KCNQ1: variants seen among roughly 807,000 people sequenced by gnomAD.
KCNQ1 encodes potassium voltage-gated channel subfamily KQT member 1.
In KCNQ1, 49 loss-of-function variants were observed where a neutral mutation model predicts 72.4. The ratio of observed to expected loss-of-function variants is 0.68; its 90% CI spans 0.54 to 0.86. The LOEUF (loss-of-function observed/expected upper bound fraction) is 0.86, where lower values mean the gene tolerates loss of function less well. Ranked by LOEUF, KCNQ1 falls within the 40% of genes least tolerant of loss-of-function variation. KCNQ1 has a pLI of 0.00. For missense variants in KCNQ1, 790 were observed against 945.1 expected, an observed-to-expected ratio of 0.84 and a Z score of 2.15; for synonymous variants, 450 against 412.6, an observed-to-expected ratio of 1.09 and a Z score of -1.10.
rs955421610 is a variant in KCNQ1, at chr11:2,603,254, A to G, written c.1393+14400A>G. 1.3e-5 allele frequency among the ~76,000 whole-genome samples: 2 copies of G among 152,228 alleles called. No individual in the cohort carries two copies. Among genetic ancestry groups the G allele is most frequent in the Admixed American group, 1.3e-4 (2 of 15,286 alleles). On this transcript the variant is annotated intron_variant, in intron 10 of 15. Transcript: ENST00000155840. The surrounding 1 kb of genome is among the most constrained non-coding windows in gnomAD (Gnocchi z 4.1). Reference sequence around the variant, plus strand: ...AGTGTGCAATAGCCCCATGTCTAAGAAAACAATGTGCCTACCTTAATTGAA... The same window carrying G: ...AGTGTGCAATAGCCCCATGTCTAAGGAAACAATGTGCCTACCTTAATTGAA...
chr11:2,720,849 C>T lies in KCNQ1; in HGVS notation c.1515-47995C>T, dbSNP rs113394564. Among the ~76,000 whole-genome samples, 76 of 152,178 alleles carry T rather than the reference C, an allele frequency of 5.0e-4. No homozygotes were observed. The highest frequency in any genetic ancestry group is 1.7e-3 in the African/African-American group (69 of 41,520). On this transcript the variant is annotated intron_variant, in intron 11 of 15. Coordinates refer to ENST00000155840, the MANE Select transcript of KCNQ1 (RefSeq NM_000218.3). This position sits in a 1 kb window ranked among gnomAD's most constrained non-coding sequence, Gnocchi z 5.1. ...CATTATATGGTGTTGAGTTGGGGAA[C>T]GGCCTTGCTGGGAGTTGGGGCCTGG...
In KCNQ1 at chr11:2,813,137, C is replaced by A. The variant is rs1024682264; in HGVS notation, c.1795-34630C>A. The stretch of plus-strand genomic sequence containing the variant: ...AACGGAGCCTGGTACAGAGGAAGAA[C>A]CCGACAGACTGTGAGCCCTGTCTTC... On this transcript the variant is annotated intron_variant, in intron 15 of 15. Coordinates refer to ENST00000155840, the MANE Select transcript of KCNQ1 (RefSeq NM_000218.3). The surrounding 1 kb of genome is among the most constrained non-coding windows in gnomAD (Gnocchi z 4.4). Among the ~76,000 whole-genome samples, 2 of 152,240 alleles carry A rather than the reference C, an allele frequency of 1.3e-5. No individual in the cohort carries two copies. The highest frequency in any genetic ancestry group is 2.4e-5 in the African/African-American group (1 of 41,466).
chr11:2,568,818 C>T (rs1247640754), intron 2 of KCNQ1, among the ~76,000 whole-genome samples: 1 of 151,728 alleles, frequency 6.6e-6, no homozygotes, highest in African/African-American at 2.4e-5. Context: ...GGGACCCACA[C>T]CCCCCCCATG....
rs929339515 is a variant in KCNQ1 at position 2,446,420 on chromosome 11, C to T, written c.386+936C>T. ...CATGGCTGATGGCTGTGGGGCTCAC[C>T]TGAGGGCTGAAGGGTGGTCTCCCTG... is the stretch of plus-strand genomic sequence containing the variant. On this transcript the variant is annotated intron_variant, in intron 1 of 15. Coordinates refer to ENST00000155840, the MANE Select transcript of KCNQ1 (RefSeq NM_000218.3). The surrounding 1 kb of genome is among the most constrained non-coding windows in gnomAD (Gnocchi z 8.8). Among the ~76,000 whole-genome samples, 10 of 152,208 alleles carry T rather than the reference C, an allele frequency of 6.6e-5. No homozygotes were observed. The highest frequency in any genetic ancestry group is 1.5e-4 in the Non-Finnish European group (10 of 68,020).
intron 2 of KCNQ1, among the ~76,000 whole-genome samples, chr11:2,557,503 A>G (rs1589949087): frequency 6.6e-6 from 1 of 152,240 alleles, no homozygotes; most frequent in Non-Finnish European, 1.5e-5. Flanking sequence ...CATGTAACAA[A>G]CCATCCACAA....
chr11:2,589,461 T>C (rs539646826), intron 10 of KCNQ1, among the ~76,000 whole-genome samples: 2 of 152,216 alleles, frequency 1.3e-5, no homozygotes, highest in Non-Finnish European at 2.9e-5. Context: ...GTCTAGGGTT[T>C]AGATGTCCTC....
chr11:2,766,623 C>T lies in KCNQ1; in HGVS notation c.1515-2221C>T, dbSNP rs1846502364. On this transcript the variant is annotated intron_variant, in intron 11 of 15. Coordinates refer to ENST00000155840, the MANE Select transcript of KCNQ1 (RefSeq NM_000218.3). The surrounding 1 kb of genome is among the most constrained non-coding windows in gnomAD (Gnocchi z 4.4). ...ATCACAGTCTGCCCTCTGGCCATAA[C>T]TTTTCGCATTCTCCCCTATGCAAAA... Among the ~76,000 whole-genome samples, 1 of 152,172 alleles carries T rather than the reference C, an allele frequency of 6.6e-6. No homozygotes were observed. Among genetic ancestry groups the T allele is most frequent in the Non-Finnish European group, 1.5e-5 (1 of 68,034 alleles).
At position 2,714,312 on chromosome 11, in the gene KCNQ1, C is replaced by A. The variant is rs183180298; in HGVS notation, c.1514+52231C>A. On this transcript the variant is annotated intron_variant, in intron 11 of 15. Coordinates refer to ENST00000155840, the MANE Select transcript of KCNQ1 (RefSeq NM_000218.3). ...GCCGCAAGGTCAGCCCCCTCCCAGG[C>A]CCGTGAGAGGCAGCAGGCACTATGG... 3.0e-3 allele frequency among the ~76,000 whole-genome samples: 458 copies of A among 152,356 alleles called. 4 individuals carry two copies. The highest frequency in any genetic ancestry group is 0.011 in the African/African-American group (439 of 41,584).
chr11:2,845,076 C>G (rs560498668), intron 15 of KCNQ1, among the ~76,000 whole-genome samples: 1 of 152,090 alleles, frequency 6.6e-6, no homozygotes, highest in African/African-American at 2.4e-5. Flanking sequence ...GCTGAGAGAC[C>G]TCCCATGACC....
Position 2,669,326 on chromosome 11 carries a change from C to G in KCNQ1, c.1514+7245C>G, listed in dbSNP as rs1850140810. 1 of 398,534 alleles carries G rather than the reference C, an allele frequency of 2.5e-6. No homozygotes were observed. The highest frequency in any genetic ancestry group is 1.3e-4 in the South Asian group (1 of 7,860). The allele number at this position is 398,534 out of a possible 1,614,324, so 24.7% of individuals were successfully genotyped here. On this transcript the variant is annotated intron_variant, in intron 11 of 15. Transcript: ENST00000155840. This position sits in a 1 kb window ranked among gnomAD's most constrained non-coding sequence, Gnocchi z 5.6. ...TGCCAGTTGCCATGGAAAGCCTCCT[C>G]TAGGCGCAGCAGCCTCTAGATGGGC...
At chr11:2,778,143 C>A in intron 15 of KCNQ1, 106 bp downstream of exon 15, 1 of 1,114,270 alleles carries the variant, frequency 9.0e-7, no homozygotes, top group Non-Finnish European at 1.3e-6. Context: ...GGCCTCCCCA[C>A]CTTCCCGCCA....
intron 11 of KCNQ1, 69 bp downstream of exon 11, chr11:2,662,150 C>T (rs760306132): frequency 3.1e-6 from 5 of 1,602,224 alleles, no homozygotes; most frequent in East Asian, 2.2e-5. Context: ...AGACTTGGTG[C>T]TGGGGAAGCC....
chr11:2,599,991 T>G lies in KCNQ1; in HGVS notation c.1393+11137T>G, dbSNP rs1848778154. Reference sequence around the variant, plus strand: ...TTTCAGTGATGTAGCCAGGTTGTTTTTCTCGTTTTGTCTGACCTTGAATTC... The same window carrying G: ...TTTCAGTGATGTAGCCAGGTTGTTTGTCTCGTTTTGTCTGACCTTGAATTC... On this transcript the variant is annotated intron_variant, in intron 10 of 15. Transcript: ENST00000155840. The surrounding 1 kb of genome is among the most constrained non-coding windows in gnomAD (Gnocchi z 4.7). 6.6e-6 allele frequency among the ~76,000 whole-genome samples: 1 copy of G among 152,240 alleles called. No homozygotes were observed. The highest frequency in any genetic ancestry group is 1.5e-5 in the Non-Finnish European group (1 of 68,044).
Position 2,703,512 on chromosome 11 carries a change from C to A in KCNQ1, c.1514+41431C>A, listed in dbSNP as rs1850855524. 6.6e-6 allele frequency among the ~76,000 whole-genome samples: 1 copy of A among 152,238 alleles called. No homozygotes were observed. The highest frequency in any genetic ancestry group is 2.4e-5 in the African/African-American group (1 of 41,452). ...GAGCACGCACGCACACACGCACTCACAGCTGAAGAGAATTAGGCTCAAAAC... is the reference window on the plus strand; with the variant it reads ...GAGCACGCACGCACACACGCACTCAAAGCTGAAGAGAATTAGGCTCAAAAC... On this transcript the variant is annotated intron_variant, in intron 11 of 15. Transcript: ENST00000155840. The surrounding 1 kb of genome is among the most constrained non-coding windows in gnomAD (Gnocchi z 6.4).
intron 2 of KCNQ1, among the ~76,000 whole-genome samples, chr11:2,555,387 C>G (rs144681788): frequency 1.2e-4 from 19 of 152,340 alleles, no homozygotes; most frequent in African/African-American, 4.3e-4. Flanking sequence ...GTGGGGTTCC[C>G]AGGCTGAAAC....
chr11:2,841,882 T>G (rs543329907), intron 15 of KCNQ1, among the ~76,000 whole-genome samples: 1 of 152,258 alleles, frequency 6.6e-6, no homozygotes, highest in Non-Finnish European at 1.5e-5. Context: ...CTTGGGCCTC[T>G]CTCAGAGGGA....
intron 11 of KCNQ1, chr11:2,689,725 C>G (rs1850557959): frequency 2.5e-6 from 1 of 398,570 alleles, no homozygotes; most frequent in African/African-American, 2.1e-5. Context: ...GCCTAGAGTG[C>G]CAGAGACTTA....
At position 2,464,792 on chromosome 11, in the gene KCNQ1, A is replaced by G. The variant is rs1170547878; in HGVS notation, c.386+19308A>G. Among the ~76,000 whole-genome samples, 2 of 122,000 alleles carry G rather than the reference A, an allele frequency of 1.6e-5. No homozygotes were observed. Among genetic ancestry groups the G allele is most frequent in the Non-Finnish European group, 3.1e-5 (2 of 65,430 alleles). 80.0% of individuals were successfully genotyped at this position (122,000 alleles called of 152,430 possible). A position where few individuals can be genotyped will look rare whatever the true frequency, so the allele number is the denominator to read the frequency against. ...ACCCCTCCTAGGTGGGCTGGGGCTG[A>G]GGCGGATCCCACTGTGGGGAGCTGC... On this transcript the variant is annotated intron_variant, in intron 1 of 15. Transcript: ENST00000155840. The surrounding 1 kb of genome is among the most constrained non-coding windows in gnomAD (Gnocchi z 5.0).
intron 11 of KCNQ1, among the ~76,000 whole-genome samples, chr11:2,733,854 TCTC>T (rs1369253867): frequency 2.4e-4 from 10 of 41,202 alleles, no homozygotes; most frequent in East Asian, 1.3e-3. Flanking sequence ...TCTCTCTCTC[TCTC>T]CCCCCCCACT....
Sources: allele counts gnomAD v4.1 joint callset (sites outside exome capture counted in the v4.1 genomes callset), GRCh38; gene constraint gnomAD v4.1.1; non-coding constraint Gnocchi (gnomAD v3.1); transcripts MANE v1.5; gene names NCBI Gene and HGNC (gene_info 2026-07-23, HGNC 2026-07-21).